Variants in UVRAG observed in about 807,000 individuals in gnomAD.
UVRAG encodes UV radiation resistance-associated gene protein.
Under a neutral mutation model 78.0 loss-of-function variants are expected in UVRAG, and 19 were observed. That is an observed-to-expected ratio of 0.24 (90% CI 0.17 to 0.36). UVRAG has a LOEUF of 0.36. UVRAG is among the 10% of genes least tolerant of loss of function. The pLI is 1.00. For synonymous variants in UVRAG, 323 were observed against 324.6 expected (o/e 1.00, Z 0.05); for missense variants, 740 against 853.8 (o/e 0.87, Z 1.66).
intron 14 of UVRAG, among the ~76,000 whole-genome samples, chr11:76,136,508 C>T (rs1952598753): frequency 6.9e-6 from 1 of 145,562 alleles, no homozygotes. Context: ...TTTCTTGTTT[C>T]CTTTTTTTTT....
chr11:75,950,905 T>G (rs941227193), intron 6 of UVRAG, among the ~76,000 whole-genome samples: 2 of 152,044 alleles, frequency 1.3e-5, no homozygotes, highest in African/African-American at 4.8e-5. Flanking sequence ...GTTGTTTATA[T>G]TTTTATTTTT....
intron 6 of UVRAG, among the ~76,000 whole-genome samples, chr11:75,928,689 C>T (rs561556191): frequency 1.3e-5 from 2 of 152,074 alleles, no homozygotes; most frequent in Admixed American, 6.5e-5. Flanking sequence ...CTTGTAATCC[C>T]AGCACTTTGG....
At chr11:76,131,232 G>A (rs185122106) in intron 14 of UVRAG, among the ~76,000 whole-genome samples, 183 of 152,290 alleles carry the variant, frequency 1.2e-3, no homozygotes, top group African/African-American at 4.1e-3. Context: ...GAGTGAAGTG[G>A]TTGACTTGAC....
At chr11:76,112,279 T>C (rs1051649672) in intron 13 of UVRAG, among the ~76,000 whole-genome samples, 1 of 152,140 alleles carries the variant, frequency 6.6e-6, no homozygotes, top group African/African-American at 2.4e-5. Context: ...TAAATGACAG[T>C]AAAGAAATAC....
At chr11:75,921,138 A>C (rs1205584642) in intron 6 of UVRAG, among the ~76,000 whole-genome samples, 2 of 152,220 alleles carry the variant, frequency 1.3e-5, no homozygotes, top group Non-Finnish European at 2.9e-5. Context: ...GTATTGTTTC[A>C]ATTGTTAGAG....
At chr11:76,062,095 A>C (rs1951105092) in intron 12 of UVRAG, among the ~76,000 whole-genome samples, 1 of 152,180 alleles carries the variant, frequency 6.6e-6, no homozygotes. Flanking sequence ...GGCTCCAGGC[A>C]TTGCCCGGCT....
chr11:75,978,509 C>G (rs2135262021), intron 7 of UVRAG, among the ~76,000 whole-genome samples: 1 of 152,338 alleles, frequency 6.6e-6, no homozygotes, highest in South Asian at 2.1e-4. Flanking sequence ...GTACACCAAT[C>G]AGACATAGAT....
At chr11:76,073,367 T>C (rs1381014294) in intron 13 of UVRAG, among the ~76,000 whole-genome samples, 9 of 152,174 alleles carry the variant, frequency 5.9e-5, no homozygotes, top group African/African-American at 1.7e-4. Context: ...ACTTAAGTAT[T>C]TGGCAAACAT....
chr11:75,943,779 A>G (rs1267430610), intron 6 of UVRAG, among the ~76,000 whole-genome samples: 5 of 152,140 alleles, frequency 3.3e-5, no homozygotes, highest in African/African-American at 4.8e-5. Flanking sequence ...GGTTAATTTT[A>G]TAAGTATTTA....
intron 13 of UVRAG, among the ~76,000 whole-genome samples, chr11:76,080,442 A>T (rs1412486535): frequency 1.3e-5 from 2 of 152,108 alleles, no homozygotes; most frequent in Admixed American, 1.3e-4. Flanking sequence ...GGGACTTCAG[A>T]TAATCCTTCT....
At chr11:75,843,089 A>G (rs1050202958) in intron 1 of UVRAG, among the ~76,000 whole-genome samples, 22 of 152,212 alleles carry the variant, frequency 1.4e-4, no homozygotes, top group African/African-American at 5.1e-4. Flanking sequence ...TTAAGGGCAC[A>G]TCAGTTCTCT....
intron 5 of UVRAG, among the ~76,000 whole-genome samples, chr11:75,889,362 C>G (rs1032195225): frequency 5.9e-5 from 9 of 152,162 alleles, no homozygotes; most frequent in Non-Finnish European, 1.0e-4. Flanking sequence ...TACCAAGTAC[C>G]TACTATCTAT....
intron 13 of UVRAG, among the ~76,000 whole-genome samples, chr11:76,104,885 TATTTGAATTTTTATA>T (rs1469993685): frequency 6.6e-6 from 1 of 152,210 alleles, no homozygotes; most frequent in African/African-American, 2.4e-5. Context: ...TATGTAGATT[TATTTGAATTTTTATA>T]AAGAATCCCT....
chr11:76,005,325 A>G (rs1383631403), intron 9 of UVRAG, among the ~76,000 whole-genome samples: 1 of 152,200 alleles, frequency 6.6e-6, no homozygotes, highest in Non-Finnish European at 1.5e-5. Context: ...TCTGGGCGAC[A>G]GAGCGAGACG....
At chr11:75,996,049 C>G (rs1311853539) in intron 8 of UVRAG, among the ~76,000 whole-genome samples, 1 of 151,964 alleles carries the variant, frequency 6.6e-6, no homozygotes, top group Non-Finnish European at 1.5e-5. Flanking sequence ...GATTTTATTT[C>G]AGTTTCCATG....
At chr11:75,927,476 T>A (rs1359544430) in intron 6 of UVRAG, among the ~76,000 whole-genome samples, 1 of 152,146 alleles carries the variant, frequency 6.6e-6, no homozygotes, top group East Asian at 1.9e-4. Flanking sequence ...AGGCTCTTGT[T>A]ATATACTGAA....
At chr11:75,851,082 C>T (rs1946144450) in intron 1 of UVRAG, among the ~76,000 whole-genome samples, 1 of 152,216 alleles carries the variant, frequency 6.6e-6, no homozygotes, top group African/African-American at 2.4e-5. Flanking sequence ...AATGATCTGA[C>T]ATAGGGAACT....
At chr11:76,084,535 T>C in intron 13 of UVRAG, among the ~76,000 whole-genome samples, 1 of 152,200 alleles carries the variant, frequency 6.6e-6, no homozygotes, top group East Asian at 1.9e-4. Flanking sequence ...ATATATTTTA[T>C]ATACTTTTTC....
chr11:76,124,052 C>CCACG (rs1952339801), intron 14 of UVRAG, among the ~76,000 whole-genome samples: 3 of 152,248 alleles, frequency 2.0e-5, no homozygotes, highest in Non-Finnish European at 2.9e-5. Flanking sequence ...GCATGAGCCA[C>CCACG]CACGCCCAGC....
Sources: gnomAD v4.1 joint callset for allele counts (sites outside exome capture counted in the v4.1 genomes callset) on GRCh38, gnomAD v4.1.1 for gene constraint, MANE v1.5 for transcripts, NCBI Gene and HGNC (gene_info 2026-07-23, HGNC 2026-07-21) for gene names.